CEP83: variants seen among roughly 807,000 people sequenced by gnomAD.
CEP83 encodes the protein centrosomal protein of 83 kDa.
A neutral mutation model predicts 101.9 loss-of-function variants in CEP83; 70 were observed. That is an observed-to-expected ratio of 0.69 (90% CI 0.57 to 0.84). The LOEUF is 0.84. Ranked by LOEUF, CEP83 falls within the 40% of genes least tolerant of loss-of-function variation. CEP83 has a pLI of 0.00. For missense variants in CEP83, 715 were observed against 787.2 expected, an observed-to-expected ratio of 0.91 and a Z score of 1.10; for synonymous variants, 264 against 267.9, an observed-to-expected ratio of 0.99 and a Z score of 0.14.
intron 11 of CEP83, among the ~76,000 whole-genome samples, chr12:94,361,062 A>C (rs546383973): frequency 1.3e-5 from 2 of 152,348 alleles, no homozygotes; most frequent in South Asian, 4.1e-4. Context: ...ATGCAGAAGA[A>C]TAAAACTAGA....
chr12:94,306,571 C>CT (rs1565880226), downstream of CEP83: 1 of 152,158 alleles, frequency 6.6e-6, no homozygotes, highest in Non-Finnish European at 1.5e-5. Context: ...ATTGGCAACT[C>CT]TTGAGCTTTT....
intron 11 of CEP83, among the ~76,000 whole-genome samples, chr12:94,363,929 C>T (rs1269507007): frequency 7.8e-6 from 1 of 128,796 alleles, no homozygotes; most frequent in African/African-American, 3.0e-5. Context: ...GCCTGGGCAA[C>T]AGAGTGAGAC....
the CEP83 span, among the ~76,000 whole-genome samples, chr12:94,268,995 G>GT: frequency 6.6e-6 from 1 of 152,132 alleles, no homozygotes; most frequent in Admixed American, 6.5e-5. Flanking sequence ...CTCAGCTTAC[G>GT]TTTTGTCAAG....
At chr12:94,272,893 A>G in the CEP83 span, among the ~76,000 whole-genome samples, 4 of 152,198 alleles carry the variant, frequency 2.6e-5, no homozygotes, top group Admixed American at 2.6e-4. Flanking sequence ...CAGATCGCCT[A>G]TGTCCAGCCT....
Position 94,427,935 on chromosome 12 carries a change from T to C in CEP83, c.-102+7340A>G, listed in dbSNP as rs565928341. Among the ~76,000 whole-genome samples, 5 of 152,100 alleles carry C rather than the reference T, an allele frequency of 3.3e-5. No homozygotes were observed. The East Asian group carries it at 9.6e-4, about 29-fold the overall frequency. On this transcript the variant is annotated intron_variant, in intron 2 of 16. Transcript: ENST00000397809. ...CTTGACGCCCTGCCAGAACCTGAAG[T>C]GCAGCTGGGAGCAGACCCTTCAAAG...
chr12:94,404,629 G>A (rs953531753), intron 4 of CEP83, among the ~76,000 whole-genome samples: 1 of 152,094 alleles, frequency 6.6e-6, no homozygotes, highest in Non-Finnish European at 1.5e-5. Context: ...GCCAAAGAGT[G>A]AAAGGTTCCT....
chr12:94,362,174 CAAT>C (rs2060797786), intron 11 of CEP83, among the ~76,000 whole-genome samples: 1 of 152,118 alleles, frequency 6.6e-6, no homozygotes, highest in South Asian at 2.1e-4. Flanking sequence ...AATCAAACCA[CAAT>C]GAGATTTCAT....
the CEP83 span, among the ~76,000 whole-genome samples, chr12:94,281,607 A>T: frequency 1.2e-5 from 1 of 84,430 alleles, no homozygotes; most frequent in Non-Finnish European, 2.4e-5. Context: ...AATTTTATAG[A>T]GACAAGTCTC....
intron 5 of CEP83, 99 bp from the exon 6 acceptor site, chr12:94,401,080 T>C (rs1029675188): frequency 5.1e-6 from 3 of 585,192 alleles, no homozygotes; most frequent in Non-Finnish European, 7.8e-6. Flanking sequence ...ATTATAATGA[T>C]AGCCACTCTA....
chr12:94,451,484 A>C (rs2067248577), intron 1 of CEP83, among the ~76,000 whole-genome samples: 2 of 151,700 alleles, frequency 1.3e-5, no homozygotes, highest in African/African-American at 2.4e-5. Context: ...AAAAAAAAAA[A>C]AACCCAGCTA....
intron 4 of CEP83, among the ~76,000 whole-genome samples, chr12:94,409,602 T>A (rs149538453): frequency 6.6e-6 from 1 of 152,190 alleles, no homozygotes; most frequent in African/African-American, 2.4e-5. Flanking sequence ...CTTTGGACAG[T>A]GTATTCGTTT....
chr12:94,363,458 TAC>T, intron 11 of CEP83, among the ~76,000 whole-genome samples: 1 of 152,222 alleles, frequency 6.6e-6, no homozygotes, highest in South Asian at 2.1e-4. Flanking sequence ...AAAACAGAAT[TAC>T]AATATAAGCC....
chr12:94,393,214 C>T (rs7957631), intron 6 of CEP83, among the ~76,000 whole-genome samples: 3,620 of 152,240 alleles, frequency 0.024, 154 homozygotes, highest in African/African-American at 0.083. Context: ...AACATTGATG[C>T]GAAAATCCTC....
At chr12:94,312,298 AC>A (rs1393137494) in intron 15 of CEP83, among the ~76,000 whole-genome samples, 1 of 152,168 alleles carries the variant, frequency 6.6e-6, no homozygotes, top group Non-Finnish European at 1.5e-5. Flanking sequence ...ACATCATAAA[AC>A]GTCACTGCAT....
chr12:94,454,637 G>A (rs1445530593), intron 1 of CEP83, among the ~76,000 whole-genome samples: 9 of 152,242 alleles, frequency 5.9e-5, no homozygotes, highest in Non-Finnish European at 1.5e-5. Flanking sequence ...CCATGCCGTG[G>A]AAGCTCTGTT....
intron 2 of CEP83, among the ~76,000 whole-genome samples, chr12:94,426,197 C>T (rs1405081777): frequency 1.3e-5 from 2 of 151,982 alleles, no homozygotes; most frequent in Non-Finnish European, 2.9e-5. Context: ...TTCCTGAGCA[C>T]ATACTGCTGT....
Position 94,373,860 on chromosome 12 carries a change from T to C in CEP83, c.933+2026A>G, listed in dbSNP as rs563306119. 2.6e-5 allele frequency among the ~76,000 whole-genome samples: 4 copies of C among 152,328 alleles called. No individual in the cohort carries two copies. The South Asian group carries it at 6.2e-4, about 24-fold the overall frequency. The stretch of plus-strand genomic sequence containing the variant: ...GAATTGCAAAATGTTGATGAAAACT[T>C]CAAGTTGCAAAGAAAACTGTGGCAG... On this transcript the variant is annotated intron_variant, in intron 8 of 16. Transcript: ENST00000397809.
the CEP83 span, among the ~76,000 whole-genome samples, chr12:94,281,591 A>T: frequency 8.6e-5 from 9 of 104,554 alleles, no homozygotes; most frequent in African/African-American, 2.4e-4. Context: ...AAAAACTTTT[A>T]AAAAAAATTT....
the CEP83 span, among the ~76,000 whole-genome samples, chr12:94,289,865 A>C: frequency 1.4e-4 from 22 of 152,120 alleles, no homozygotes; most frequent in South Asian, 3.1e-3. Flanking sequence ...CACACACACA[A>C]CTCATCCACT....
Sources: allele counts gnomAD v4.1 joint callset (sites outside exome capture counted in the v4.1 genomes callset), GRCh38; gene constraint gnomAD v4.1.1; transcripts MANE v1.5; gene names NCBI Gene and HGNC (gene_info 2026-07-23, HGNC 2026-07-21).